The following MKX variants were observed in gnomAD, a reference collection of about 807,000 sequenced individuals.
MKX encodes mohawk homeobox, also known as homeobox protein Mohawk.
MKX carries 13 observed loss-of-function variants against 36.0 expected under a neutral mutation model. That is an observed-to-expected ratio of 0.36 (90% CI 0.24 to 0.57). MKX has a LOEUF of 0.57. MKX is among the 20% of genes least tolerant of loss of function. MKX has a pLI of 0.79. For missense variants in MKX, 458 were observed against 456.4 expected, an observed-to-expected ratio of 1.00 and a Z score of -0.03; for synonymous variants, 176 against 178.3, an observed-to-expected ratio of 0.99 and a Z score of 0.10.
At chr10:27,704,270 ATTAC>A (rs910978503) in intron 5 of MKX, among the ~76,000 whole-genome samples, 1 of 152,162 alleles carries the variant, frequency 6.6e-6, no homozygotes, top group Non-Finnish European at 1.5e-5. Flanking sequence ...TTTTTCTATA[ATTAC>A]TTTGTAAATG....
chr10:27,718,827 T>C (rs565807832), intron 5 of MKX, among the ~76,000 whole-genome samples: 3 of 152,164 alleles, frequency 2.0e-5, no homozygotes, highest in Non-Finnish European at 2.9e-5. Context: ...CCTATCACAA[T>C]GCATCATGTT....
chr10:27,686,421 G>A (rs1464483650), intron 5 of MKX, among the ~76,000 whole-genome samples: 7 of 149,766 alleles, frequency 4.7e-5, no homozygotes, highest in Non-Finnish European at 1.0e-4. Context: ...AAGGAAGGAA[G>A]GAAGGAAGGA....
chr10:27,683,455 T>C (rs997179472), intron 5 of MKX, among the ~76,000 whole-genome samples: 1 of 152,240 alleles, frequency 6.6e-6, no homozygotes, highest in African/African-American at 2.4e-5. Flanking sequence ...AACTGCCTGA[T>C]GATACACTTG....
chr10:27,709,774 C>T (rs372147373), intron 5 of MKX, among the ~76,000 whole-genome samples: 1 of 152,192 alleles, frequency 6.6e-6, no homozygotes, highest in Non-Finnish European at 1.5e-5. Context: ...CCCACCACCA[C>T]CACCATTTGG....
intron 5 of MKX, among the ~76,000 whole-genome samples, chr10:27,724,255 A>C (rs1834439169): frequency 6.6e-6 from 1 of 152,200 alleles, no homozygotes; most frequent in African/African-American, 2.4e-5. Context: ...ACTGTGTCAA[A>C]GATACTCAAA....
intron 5 of MKX, among the ~76,000 whole-genome samples, chr10:27,678,502 G>A (rs1282006392): frequency 6.6e-6 from 1 of 152,180 alleles, no homozygotes; most frequent in Admixed American, 6.5e-5. Flanking sequence ...GCTCCCAGAT[G>A]AAGCCATCTC....
chr10:27,678,979 A>G (rs552582026), intron 5 of MKX, among the ~76,000 whole-genome samples: 1 of 152,302 alleles, frequency 6.6e-6, no homozygotes, highest in East Asian at 1.9e-4. Flanking sequence ...AATCTCAGCA[A>G]TGTACTACAC....
In MKX at chr10:27,734,734, T is replaced by A. The variant is rs558586786; in HGVS notation, c.560A>T (p.His187Leu). 333 of 1,614,174 alleles carry A rather than the reference T, an allele frequency of 2.1e-4. 8 individuals carry two copies. The South Asian group carries it at 2.5e-3, about 12-fold the overall frequency. The change falls in exon 5 of 7, where the codon CAC (histidine) becomes CTC (leucine). Residue 187 changes from histidine (H) to leucine (L), a missense_variant. Transcript: ENST00000419761. ...ATTCTCACTTTTAATCACAGGATGGTGAACTGGGGTATTATAGCCCCCTTC... is the reference window on the plus strand; with the variant it reads ...ATTCTCACTTTTAATCACAGGATGGAGAACTGGGGTATTATAGCCCCCTTC... ...MNEGGYNTPV[H>L]HPVIKSENSV...
Position 27,697,447 on chromosome 10 carries a change from A to G in MKX, c.839-21893T>C, listed in dbSNP as rs140360666. Among the ~76,000 whole-genome samples, 325 of 152,252 alleles carry G rather than the reference A, an allele frequency of 2.1e-3. 1 individual carries two copies. The highest frequency in any genetic ancestry group is 7.5e-3 in the African/African-American group (310 of 41,542). The stretch of plus-strand genomic sequence containing the variant: ...GCATTTTGCAAGTCATAAACCTGCA[A>G]TTTATCTCATTTCTTATTTGTGCAC... On this transcript the variant is annotated intron_variant, in intron 5 of 6. Transcript: ENST00000419761.
At chr10:27,733,816 G>A (rs1834688432) in intron 5 of MKX, among the ~76,000 whole-genome samples, 1 of 152,108 alleles carries the variant, frequency 6.6e-6, no homozygotes, top group Non-Finnish European at 1.5e-5. Context: ...GGTAGGAATC[G>A]ATCCTTTATT....
intron 5 of MKX, among the ~76,000 whole-genome samples, chr10:27,689,002 T>C (rs893638619): frequency 6.6e-6 from 1 of 152,180 alleles, no homozygotes; most frequent in Non-Finnish European, 1.5e-5. Flanking sequence ...GTCTCCTCCA[T>C]CTATTTTCAA....
At chr10:27,738,850 C>G (rs1834833439) in intron 3 of MKX, among the ~76,000 whole-genome samples, 1 of 151,996 alleles carries the variant, frequency 6.6e-6, no homozygotes, top group Admixed American at 6.5e-5. Flanking sequence ...AAATATTGAG[C>G]ACTTCATTTC....
chr10:27,714,354 TGATA>T (rs1836926447), intron 5 of MKX, among the ~76,000 whole-genome samples: 1 of 152,246 alleles, frequency 6.6e-6, no homozygotes, highest in Admixed American at 6.5e-5. Context: ...TTGGCTTTAA[TGATA>T]GATTAAAAGT....
intron 3 of MKX, among the ~76,000 whole-genome samples, chr10:27,737,059 G>A (rs1323955816): frequency 2.0e-5 from 3 of 152,098 alleles, no homozygotes; most frequent in African/African-American, 7.2e-5. Context: ...AATAAGCTTT[G>A]TCTTCTGCAC....
At chr10:27,717,945 T>C (rs1445406903) in intron 5 of MKX, among the ~76,000 whole-genome samples, 2 of 152,226 alleles carry the variant, frequency 1.3e-5, no homozygotes, top group East Asian at 1.9e-4. Context: ...AGCTTGCTGC[T>C]CTTGGAAAGA....
At chr10:27,710,027 C>T (rs1564356022) in intron 5 of MKX, among the ~76,000 whole-genome samples, 1 of 152,114 alleles carries the variant, frequency 6.6e-6, no homozygotes, top group Non-Finnish European at 1.5e-5. Flanking sequence ...TATATTTAAA[C>T]ATATCTCAAT....
chr10:27,681,435 A>T (rs971497574), intron 5 of MKX, among the ~76,000 whole-genome samples: 2 of 151,976 alleles, frequency 1.3e-5, no homozygotes, highest in African/African-American at 4.8e-5. Context: ...GTGACAGAGC[A>T]GGACTCCATC....
chr10:27,674,725 A>G lies in MKX; in HGVS notation c.*504T>C, dbSNP rs1484029556. On this transcript the variant is annotated 3_prime_UTR_variant, in exon 7 of 7. Transcript: ENST00000419761. ...TTCTCACCGTCACTCTGAAAAGCAC[A>G]TTGAACAATTTTCAATAATGTAGAC... is the stretch of plus-strand genomic sequence containing the variant. 1.3e-5 allele frequency: 2 copies of G among 152,524 alleles called. No individual in the cohort carries two copies. The highest frequency in any genetic ancestry group is 2.9e-5 in the Non-Finnish European group (2 of 68,246). 9.4% of individuals were successfully genotyped at this position (152,524 alleles called of 1,614,324 possible).
At chr10:27,694,887 C>CT (rs200916547) in intron 5 of MKX, among the ~76,000 whole-genome samples, 9,028 of 137,574 alleles carry the variant, frequency 0.066, 668 homozygotes, top group East Asian at 0.26. Flanking sequence ...AACAAATTGC[C>CT]TTTTTTTTTT....
Sources: allele counts gnomAD v4.1 joint callset (sites outside exome capture counted in the v4.1 genomes callset), GRCh38; gene constraint gnomAD v4.1.1; transcripts MANE v1.5; gene names NCBI Gene and HGNC (gene_info 2026-07-23, HGNC 2026-07-21).